RMND1: variants seen among roughly 807,000 people sequenced by gnomAD.
RMND1 encodes required for meiotic nuclear division 1 homolog.
A neutral mutation model predicts 54.0 loss-of-function variants in RMND1; 41 were observed. The observed-to-expected ratio is 0.76, with a 90% CI of 0.59 to 0.98. The LOEUF is 0.98. RMND1 is among the 50% of genes least tolerant of loss of function. RMND1 has a pLI of 0.00. For synonymous variants in RMND1, 183 were observed against 181.7 expected (o/e 1.01, Z -0.06); for missense variants, 457 against 532.0 (o/e 0.86, Z 1.39).
At position 151,450,751 on chromosome 6, in the gene RMND1, T is replaced by G. The variant is rs868409243; in HGVS notation, c.-15+1265A>C. Among the ~76,000 whole-genome samples, 1,150 of 150,024 alleles carry G rather than the reference T, an allele frequency of 7.7e-3. 10 individuals are homozygous for G. The highest frequency in any genetic ancestry group is 0.01 in the Non-Finnish European group (679 of 67,214). ...ACGGGATGACAATGGCGGTTTTGTG[T>G]AATAGAAAGGGGGGAAAGGGGGGGA... is the stretch of plus-strand genomic sequence containing the variant. On this transcript the variant is annotated intron_variant, in intron 1 of 11. Coordinates refer to ENST00000444024, the MANE Select transcript of RMND1 (RefSeq NM_017909.4).
intron 10 of RMND1, among the ~76,000 whole-genome samples, chr6:151,410,838 C>T (rs73780666): frequency 0.13 from 19,321 of 152,098 alleles, 1,295 homozygotes; most frequent in Middle Eastern, 0.18. Flanking sequence ...GATCTTGAGA[C>T]CTTGATAAAC....
intron 5 of RMND1, among the ~76,000 whole-genome samples, chr6:151,428,688 C>T (rs1253478351): frequency 1.3e-5 from 2 of 152,158 alleles, no homozygotes; most frequent in Non-Finnish European, 2.9e-5. Context: ...CACACTACCA[C>T]ACCTGGCTAA....
intron 1 of RMND1, among the ~76,000 whole-genome samples, chr6:151,447,686 C>T (rs1393513709): frequency 6.6e-6 from 1 of 152,158 alleles, no homozygotes; most frequent in Non-Finnish European, 1.5e-5. Flanking sequence ...CAATTGGCTA[C>T]TGTAGTTCAC....
chr6:151,448,061 C>T (rs766914464), intron 1 of RMND1, among the ~76,000 whole-genome samples: 1 of 152,148 alleles, frequency 6.6e-6, no homozygotes, highest in African/African-American at 2.4e-5. Flanking sequence ...GGTGATCCAC[C>T]TGCCTTGGCC....
At chr6:151,424,441 A>C (rs1780238684) in intron 6 of RMND1, among the ~76,000 whole-genome samples, 1 of 150,340 alleles carries the variant, frequency 6.7e-6, no homozygotes, top group Non-Finnish European at 1.5e-5. Context: ...CCAGCCTGGG[A>C]GACTGAGCAA....
At chr6:151,449,513 A>ACGCTCTTCTCCCAGGGATCTGAAAGGCT (rs1781065033) in intron 1 of RMND1, among the ~76,000 whole-genome samples, 1 of 151,780 alleles carries the variant, frequency 6.6e-6, no homozygotes, top group Non-Finnish European at 1.5e-5. Flanking sequence ...GCTGTTCCTT[A>ACGCTCTTCTCCCAGGGATCTGAAAGGCT]CGCTCTTCTC....
At chr6:151,434,401 A>C (rs1250621919) in intron 3 of RMND1, among the ~76,000 whole-genome samples, 2 of 143,818 alleles carry the variant, frequency 1.4e-5, no homozygotes, top group Non-Finnish European at 3.0e-5. Flanking sequence ...ACACAGACCA[A>C]AACTGTGATT....
At chr6:151,427,912 G>A (rs950701077) in intron 5 of RMND1, among the ~76,000 whole-genome samples, 3 of 151,988 alleles carry the variant, frequency 2.0e-5, no homozygotes, top group Admixed American at 6.6e-5. Flanking sequence ...AGGCAGAGGC[G>A]GGTGGATCCT....
At chr6:151,424,842 C>T (rs2114940814) in intron 6 of RMND1, among the ~76,000 whole-genome samples, 1 of 151,908 alleles carries the variant, frequency 6.6e-6, no homozygotes, top group Middle Eastern at 3.4e-3. Flanking sequence ...AGATGTCAGA[C>T]AAGAAGTGAC....
chr6:151,418,752 T>C (rs1251475119), intron 9 of RMND1, among the ~76,000 whole-genome samples: 1 of 152,204 alleles, frequency 6.6e-6, no homozygotes, highest in African/African-American at 2.4e-5. Context: ...AATTTCTACA[T>C]TTTAATATAA....
chr6:151,433,281 T>A, intron 3 of RMND1, 51 bp from the exon 4 acceptor site: 1 of 1,214,448 alleles, frequency 8.2e-7, no homozygotes, highest in Non-Finnish European at 1.2e-6. Context: ...TAACACAAGT[T>A]GTAAGAGTCA....
At chr6:151,422,096 T>C (rs930746038) in intron 8 of RMND1, among the ~76,000 whole-genome samples, 2 of 152,268 alleles carry the variant, frequency 1.3e-5, no homozygotes, top group African/African-American at 4.8e-5. Context: ...GTTTTCTTAT[T>C]GTTTGTAATA....
In RMND1 at chr6:151,433,271, TAACAC is replaced by T. The variant is rs768942068; in HGVS notation, c.614-46_614-42del. The T allele has an allele frequency of 1.3e-5, 18 of 1,389,400 alleles. No homozygotes were observed. The Admixed American group carries it at 2.4e-4, about 19-fold the overall frequency. The allele number at this position is 1,389,400 out of a possible 1,614,324, so 86.1% of individuals were successfully genotyped here. A position where few individuals can be genotyped will look rare whatever the true frequency, so the allele number is the denominator to read the frequency against. Reference sequence around the variant, plus strand: ...AACGAACAAAAAAGCTATGTCAAGGTAACACAAGTTGTAAGAGTCACCTATAAACA... The same window carrying T: ...AACGAACAAAAAAGCTATGTCAAGGTAAGTTGTAAGAGTCACCTATAAACA... On this transcript the variant is annotated intron_variant, in intron 3 of 11. Coordinates refer to ENST00000444024, the MANE Select transcript of RMND1 (RefSeq NM_017909.4).
chr6:151,415,435 A>T (rs1366641220), intron 10 of RMND1, among the ~76,000 whole-genome samples: 2 of 152,194 alleles, frequency 1.3e-5, no homozygotes, highest in Non-Finnish European at 1.5e-5. Context: ...AACGAGATAT[A>T]TTAAAAAGTA....
At chr6:151,414,673 G>A (rs1016318107) in intron 10 of RMND1, among the ~76,000 whole-genome samples, 2 of 152,144 alleles carry the variant, frequency 1.3e-5, no homozygotes, top group Non-Finnish European at 2.9e-5. Context: ...ATGTTGGGCA[G>A]CAGAACGAAT....
Position 151,439,009 on chromosome 6 carries a change from G to A in RMND1, c.505-2455C>T, listed in dbSNP as rs187679055. Among the ~76,000 whole-genome samples the A allele has an allele frequency of 5.1e-3, 784 of 152,260 alleles. 7 individuals carry two copies. Among genetic ancestry groups the A allele is most frequent in the African/African-American group, 0.013 (539 of 41,566 alleles). On this transcript the variant is annotated intron_variant, in intron 2 of 11. Coordinates refer to ENST00000444024, the MANE Select transcript of RMND1 (RefSeq NM_017909.4). ...CACACCTGTAATCCCAGCTACTTGG[G>A]AGGCCAAGGCAGGAGAATCCCTTGA...
intron 3 of RMND1, among the ~76,000 whole-genome samples, chr6:151,435,914 G>A (rs1001446656): frequency 2.6e-5 from 4 of 151,022 alleles, no homozygotes; most frequent in African/African-American, 9.7e-5. Context: ...AGGCCAGCCT[G>A]ACCAACATGG....
intron 5 of RMND1, among the ~76,000 whole-genome samples, chr6:151,429,023 G>A (rs546745495): frequency 1.3e-5 from 2 of 151,684 alleles, no homozygotes; most frequent in Non-Finnish European, 2.9e-5. Flanking sequence ...TTCCCTTCCC[G>A]ACCACCTACT....
chr6:151,451,087 C>A (rs1781172361), intron 1 of RMND1, among the ~76,000 whole-genome samples: 1 of 151,920 alleles, frequency 6.6e-6, no homozygotes, highest in South Asian at 2.1e-4. Context: ...GGTCCTCTGC[C>A]TAGGAAAACC....
Sources: gnomAD v4.1 joint callset for allele counts (sites outside exome capture counted in the v4.1 genomes callset) on GRCh38, gnomAD v4.1.1 for gene constraint, MANE v1.5 for transcripts, NCBI Gene and HGNC (gene_info 2026-07-23, HGNC 2026-07-21) for gene names.